Variants in BTBD9 observed in about 807,000 individuals in gnomAD.
The protein encoded by BTBD9 is BTB/POZ domain-containing protein 9.
Under a neutral mutation model 64.3 loss-of-function variants are expected in BTBD9, and 49 were observed. The ratio of observed to expected loss-of-function variants is 0.76; its 90% confidence interval spans 0.61 to 0.97. BTBD9 has a LOEUF of 0.97. Among genes scored for constraint, BTBD9 ranks in the 50% least tolerant of loss-of-function variants. BTBD9 has a pLI of 0.00. For missense variants in BTBD9, 598 were observed against 762.1 expected, an observed-to-expected ratio of 0.78 and a Z score of 2.53; for synonymous variants, 260 against 274.7, an observed-to-expected ratio of 0.95 and a Z score of 0.53.
intron 10 of BTBD9, chr6:38,179,842 G>A (rs1181181066): frequency 6.6e-6 from 3 of 456,700 alleles, no homozygotes; most frequent in Admixed American, 4.7e-5. Context: ...GCAGGCTACA[G>A]AGAGGAAGGT....
chr6:38,541,423 T>C (rs982312273), intron 6 of BTBD9, among the ~76,000 whole-genome samples: 1 of 152,148 alleles, frequency 6.6e-6, no homozygotes, highest in African/African-American at 2.4e-5. Flanking sequence ...AACTGGAACA[T>C]GGACATAGAG....
intron 6 of BTBD9, among the ~76,000 whole-genome samples, chr6:38,502,938 T>C (rs1452054665): frequency 6.6e-6 from 1 of 152,182 alleles, no homozygotes; most frequent in African/African-American, 2.4e-5. Flanking sequence ...TAAATCACTG[T>C]AACGCAATGT....
In BTBD9 at chr6:38,231,798, G is replaced by T. The variant is rs533911054; in HGVS notation, c.1562+24611C>A. Among the ~76,000 whole-genome samples the T allele has an allele frequency of 3.3e-5, 5 of 152,344 alleles. No homozygotes were observed. The East Asian group carries it at 9.6e-4, about 29-fold the overall frequency. ...CAGGACCAAATTTCCTACTATGACA[G>T]CAGGGCATTCTGGTCTGTGTTTTGC... On this transcript the variant is annotated intron_variant, in intron 9 of 10. Coordinates refer to ENST00000481247, the MANE Select transcript of BTBD9 (RefSeq NM_001099272.2).
chr6:38,461,447 T>C (rs1770082249), intron 6 of BTBD9, among the ~76,000 whole-genome samples: 1 of 152,214 alleles, frequency 6.6e-6, no homozygotes, highest in Non-Finnish European at 1.5e-5. Flanking sequence ...TTGGCTTACT[T>C]TGCTCAACAT....
At position 38,494,495 on chromosome 6, in the gene BTBD9, T is replaced by C. The variant is rs1043883647; in HGVS notation, c.1154+83105A>G. Reference sequence around the variant, plus strand: ...AATGCCAGCACTAGAGTAGTAGTAATGAATTCTTAAGTGTTAAAATCCAAA... The same window carrying C: ...AATGCCAGCACTAGAGTAGTAGTAACGAATTCTTAAGTGTTAAAATCCAAA... On this transcript the variant is annotated intron_variant, in intron 6 of 10. Transcript: ENST00000481247. Among the ~76,000 whole-genome samples, 19 of 152,274 alleles carry C rather than the reference T, an allele frequency of 1.2e-4. 1 individual carries two copies. Among genetic ancestry groups the C allele is most frequent in the African/African-American group, 4.3e-4 (18 of 41,478 alleles).
chr6:38,553,521 T>A (rs1167964915), intron 6 of BTBD9, among the ~76,000 whole-genome samples: 1 of 152,202 alleles, frequency 6.6e-6, no homozygotes, highest in Non-Finnish European at 1.5e-5. Context: ...TAATACTAGT[T>A]GAGGAGTGAC....
chr6:38,239,223 C>T (rs1285072047), intron 9 of BTBD9, among the ~76,000 whole-genome samples: 2 of 151,982 alleles, frequency 1.3e-5, no homozygotes. Context: ...GGACAGATCA[C>T]GAGGTCAAGA....
At chr6:38,417,130 G>A (rs1767704147) in intron 6 of BTBD9, among the ~76,000 whole-genome samples, 1 of 152,010 alleles carries the variant, frequency 6.6e-6, no homozygotes, top group Admixed American at 6.5e-5. Flanking sequence ...AATTTTTTTT[G>A]TGTGGAGACA....
At chr6:38,395,775 T>C (rs1766641273) in intron 6 of BTBD9, among the ~76,000 whole-genome samples, 1 of 151,530 alleles carries the variant, frequency 6.6e-6, no homozygotes, top group Non-Finnish European at 1.5e-5. Flanking sequence ...AGCGGTGTGA[T>C]CTCGGCTCAC....
intron 8 of BTBD9, among the ~76,000 whole-genome samples, chr6:38,284,321 A>G (rs1203585943): frequency 1.3e-5 from 2 of 152,166 alleles, no homozygotes; most frequent in Non-Finnish European, 2.9e-5. Flanking sequence ...TGGGAGAACC[A>G]CTTTCATTCC....
chr6:38,560,444 T>C (rs1194753193), intron 6 of BTBD9, among the ~76,000 whole-genome samples: 1 of 152,220 alleles, frequency 6.6e-6, no homozygotes, highest in African/African-American at 2.4e-5. Flanking sequence ...TTTGTATATA[T>C]GCAAAATCAA....
chr6:38,446,543 T>C (rs950678636), intron 6 of BTBD9, among the ~76,000 whole-genome samples: 2 of 152,124 alleles, frequency 1.3e-5, no homozygotes, highest in Non-Finnish European at 2.9e-5. Context: ...TTTCTCCCTC[T>C]CCCCTTATTT....
chr6:38,277,568 A>T (rs1284005498), intron 8 of BTBD9, among the ~76,000 whole-genome samples: 1 of 152,132 alleles, frequency 6.6e-6, no homozygotes, highest in Admixed American at 6.6e-5. Flanking sequence ...TCCTTACCTC[A>T]GGTGATCCGC....
chr6:38,301,185 C>T (rs547707179), intron 7 of BTBD9, among the ~76,000 whole-genome samples: 4 of 152,286 alleles, frequency 2.6e-5, no homozygotes, highest in African/African-American at 9.6e-5. Flanking sequence ...TATGTTGAAC[C>T]AGCCTTGCAT....
At chr6:38,419,773 G>A (rs1209393995) in intron 6 of BTBD9, among the ~76,000 whole-genome samples, 1 of 152,180 alleles carries the variant, frequency 6.6e-6, no homozygotes, top group Non-Finnish European at 1.5e-5. Context: ...AGGAGGCTAA[G>A]GCGGGAGAAT....
At chr6:38,543,947 A>G (rs948795696) in intron 6 of BTBD9, among the ~76,000 whole-genome samples, 1 of 148,536 alleles carries the variant, frequency 6.7e-6, no homozygotes, top group Non-Finnish European at 1.5e-5. Flanking sequence ...ACACAGCGAG[A>G]CTCCGTCTCA....
intron 6 of BTBD9, among the ~76,000 whole-genome samples, chr6:38,472,495 A>C (rs964232660): frequency 6.6e-6 from 1 of 152,144 alleles, no homozygotes; most frequent in African/African-American, 2.4e-5. Context: ...AAGGTCCCCA[A>C]GCAGCAAGAC....
chr6:38,341,370 A>T (rs968457618), intron 7 of BTBD9, among the ~76,000 whole-genome samples: 2 of 150,362 alleles, frequency 1.3e-5, no homozygotes, highest in African/African-American at 4.9e-5. Flanking sequence ...TATAGGTGAA[A>T]TGATAAAATG....
chr6:38,484,931 T>A (rs542355084), intron 6 of BTBD9, among the ~76,000 whole-genome samples: 12 of 152,322 alleles, frequency 7.9e-5, no homozygotes, highest in African/African-American at 2.9e-4. Flanking sequence ...TGAAGTCTGC[T>A]GCATCTATTG....
Sources: gnomAD v4.1 joint callset for allele counts (sites outside exome capture counted in the v4.1 genomes callset) on GRCh38, gnomAD v4.1.1 for gene constraint, MANE v1.5 for transcripts, NCBI Gene and HGNC (gene_info 2026-07-23, HGNC 2026-07-21) for gene names.